The following FGF12 variants were observed in gnomAD, a reference collection of about 807,000 sequenced individuals.
FGF12 encodes the protein fibroblast growth factor 12, also known as fibroblast growth factor 12B.
In FGF12, 14 loss-of-function variants were observed where a neutral mutation model predicts 23.6. The ratio of observed to expected loss-of-function variants is 0.59; its 90% CI spans 0.39 to 0.93. FGF12 has a LOEUF of 0.93. Ranked by LOEUF, FGF12 falls within the 40% of genes least tolerant of loss-of-function variation. The probability of loss-of-function intolerance (pLI) is 0.00; values close to 1 mark genes in which losing one functional copy is unlikely to be tolerated. For missense variants in FGF12, 175 were observed against 217.8 expected (o/e 0.80, Z 1.24); for synonymous variants, 62 against 77.3 (o/e 0.80, Z 1.04).
At chr3:192,322,400 A>G (rs1716592703) in intron 4 of FGF12, among the ~76,000 whole-genome samples, 1 of 152,120 alleles carries the variant, frequency 6.6e-6, no homozygotes, top group Middle Eastern at 3.2e-3. Context: ...ACCCAAAGCA[A>G]TCTACAGATT....
At chr3:192,196,751 C>T (rs1717089847) in intron 4 of FGF12, among the ~76,000 whole-genome samples, 1 of 152,102 alleles carries the variant, frequency 6.6e-6, no homozygotes, top group South Asian at 2.1e-4. Flanking sequence ...CCATTTAAAT[C>T]TATTTAGTTT....
chr3:192,709,511 T>C (rs1454665582), intron 2 of FGF12, among the ~76,000 whole-genome samples: 1 of 152,170 alleles, frequency 6.6e-6, no homozygotes, highest in Admixed American at 6.5e-5. Context: ...TCAATATAAT[T>C]TAGTGGAAAG....
intron 4 of FGF12, among the ~76,000 whole-genome samples, chr3:192,211,507 G>C (rs9866526): frequency 0.13 from 19,650 of 151,998 alleles, 1,418 homozygotes; most frequent in African/African-American, 0.2. Flanking sequence ...CTCACTGCAA[G>C]CTCCGCCTCC....
chr3:192,262,404 G>A (rs1712813962), intron 4 of FGF12, among the ~76,000 whole-genome samples: 1 of 152,052 alleles, frequency 6.6e-6, no homozygotes, highest in Non-Finnish European at 1.5e-5. Context: ...TTTTCAAAAT[G>A]GTTTTTAGAT....
chr3:192,232,692 G>A (rs967449972), intron 4 of FGF12, among the ~76,000 whole-genome samples: 2 of 151,612 alleles, frequency 1.3e-5, no homozygotes, highest in Admixed American at 6.6e-5. Flanking sequence ...TTTGACTCTC[G>A]CCCTCCTCCT....
At chr3:192,712,289 G>A (rs1372594973) in intron 2 of FGF12, among the ~76,000 whole-genome samples, 1 of 151,510 alleles carries the variant, frequency 6.6e-6, no homozygotes, top group Non-Finnish European at 1.5e-5. Flanking sequence ...ACAAAAAAAA[G>A]AGAGTAGGAG....
intron 2 of FGF12, among the ~76,000 whole-genome samples, chr3:192,561,651 C>T (rs1399198946): frequency 3.3e-5 from 5 of 152,094 alleles, no homozygotes; most frequent in South Asian, 2.1e-4. Flanking sequence ...CGTGAGCCAC[C>T]GTGCCTGGAA....
At chr3:192,274,593 A>AAGAGAG (rs137930372) in intron 4 of FGF12, among the ~76,000 whole-genome samples, 53,702 of 151,318 alleles carry the variant, frequency 0.35, 10,524 homozygotes, top group East Asian at 0.89. Flanking sequence ...GAAGAGGGGA[A>AAGAGAG]AGAGAGAGAG....
At chr3:192,232,978 T>C (rs893598814) in intron 4 of FGF12, among the ~76,000 whole-genome samples, 1 of 152,206 alleles carries the variant, frequency 6.6e-6, no homozygotes, top group African/African-American at 2.4e-5. Context: ...GTTGATTCCA[T>C]GTCTTTGCTA....
chr3:192,421,757 T>C (rs3109187), intron 2 of FGF12, among the ~76,000 whole-genome samples: 61,191 of 151,600 alleles, frequency 0.4, 12,668 homozygotes, highest in East Asian at 0.6. Context: ...CACCATGGCA[T>C]GTGTATACCT....
chr3:192,417,456 A>C (rs186018358), intron 2 of FGF12, among the ~76,000 whole-genome samples: 1 of 152,178 alleles, frequency 6.6e-6, no homozygotes, highest in East Asian at 1.9e-4. Context: ...TCCTGTAAGA[A>C]CGTAGTATAG....
At chr3:192,664,212 A>C (rs749151180) in intron 2 of FGF12, among the ~76,000 whole-genome samples, 1 of 152,216 alleles carries the variant, frequency 6.6e-6, no homozygotes, top group Non-Finnish European at 1.5e-5. Context: ...ATACCTTAAT[A>C]ATAAAATGAA....
intron 4 of FGF12, among the ~76,000 whole-genome samples, chr3:192,231,503 C>T (rs1375038248): frequency 2.0e-5 from 3 of 152,180 alleles, no homozygotes; most frequent in Admixed American, 1.3e-4. Context: ...GGTGCAGTGG[C>T]TCATGCCTGT....
At chr3:192,550,725 CAG>C (rs1423253836) in intron 2 of FGF12, among the ~76,000 whole-genome samples, 1 of 151,866 alleles carries the variant, frequency 6.6e-6, no homozygotes, top group Non-Finnish European at 1.5e-5. Context: ...TGGAGGTACA[CAG>C]GGGAAAATTT....
At chr3:192,642,935 G>A (rs1715861938) in intron 2 of FGF12, among the ~76,000 whole-genome samples, 1 of 152,162 alleles carries the variant, frequency 6.6e-6, no homozygotes, top group Admixed American at 6.5e-5. Flanking sequence ...TCTTTCCTTT[G>A]ATTCCTTTTT....
chr3:192,466,874 A>G (rs1214151036), intron 2 of FGF12, among the ~76,000 whole-genome samples: 1 of 152,200 alleles, frequency 6.6e-6, no homozygotes, highest in Admixed American at 6.5e-5. Flanking sequence ...TGTGGTTTGT[A>G]GACAGACATT....
At chr3:192,445,973 G>A (rs1285895131) in intron 2 of FGF12, among the ~76,000 whole-genome samples, 1 of 152,140 alleles carries the variant, frequency 6.6e-6, no homozygotes, top group African/African-American at 2.4e-5. Context: ...AAGCAACAAA[G>A]GAGACAGTCA....
intron 2 of FGF12, among the ~76,000 whole-genome samples, chr3:192,491,098 C>T (rs1480849723): frequency 2.6e-5 from 4 of 152,180 alleles, no homozygotes; most frequent in African/African-American, 2.4e-5. Context: ...AACATAAACA[C>T]ATTTCTTCTA....
chr3:192,654,773 T>A (rs986964230), intron 2 of FGF12, among the ~76,000 whole-genome samples: 1 of 152,220 alleles, frequency 6.6e-6, no homozygotes, highest in Admixed American at 6.5e-5. Context: ...TTCCCTTACA[T>A]GTAGAAACTG....
Sources: gnomAD v4.1 joint callset for allele counts (sites outside exome capture counted in the v4.1 genomes callset) on GRCh38, gnomAD v4.1.1 for gene constraint, MANE v1.5 for transcripts, NCBI Gene and HGNC (gene_info 2026-07-23, HGNC 2026-07-21) for gene names.